Variants in FBRSL1 observed in about 807,000 individuals in gnomAD.
The protein encoded by FBRSL1 is fibrosin like 1.
FBRSL1 carries 51 observed loss-of-function variants against 89.6 expected under a neutral mutation model. The ratio of observed to expected loss-of-function variants is 0.57; its 90% CI spans 0.45 to 0.72. The LOEUF is 0.72. Among genes scored for constraint, FBRSL1 ranks in the 30% least tolerant of loss-of-function variants. The pLI, the probability that FBRSL1 is intolerant of heterozygous loss-of-function variation, is 0.00. For missense variants in FBRSL1, 1,618 were observed against 1,451.8 expected (o/e 1.11, Z -1.86); for synonymous variants, 779 against 681.1 (o/e 1.14, Z -2.24).
chr12:132,533,328 G>A lies in FBRSL1; in HGVS notation c.615+5340G>A, dbSNP rs1280228157. Among the ~76,000 whole-genome samples, 3 of 132,282 alleles carry A rather than the reference G, an allele frequency of 2.3e-5. No homozygotes were observed. The South Asian group carries it at 7.6e-4, about 33-fold the overall frequency. 86.8% of individuals were successfully genotyped at this position (132,282 alleles called of 152,430 possible). Reference sequence around the variant, plus strand: ...AGTCAGAGAGCCTCAGTCTCCTCCCGACCCAGCCTCTCCCTGGAGTCAGAG... The same window carrying A: ...AGTCAGAGAGCCTCAGTCTCCTCCCAACCCAGCCTCTCCCTGGAGTCAGAG... On this transcript the variant is annotated intron_variant, in intron 4 of 18. Coordinates refer to ENST00000680143, the MANE Select transcript of FBRSL1 (RefSeq NM_001367871.1).
Position 132,551,209 on chromosome 12 carries a change from C to T in FBRSL1, c.645+3177C>T, listed in dbSNP as rs77113348. On this transcript the variant is annotated intron_variant, in intron 5 of 18. Coordinates refer to ENST00000680143, the MANE Select transcript of FBRSL1 (RefSeq NM_001367871.1). ...AGTGCCCAGAGCCCCTCAGCAGCCCCGGGCTTGTGTGGAACCCGTCTGTGA... is the reference window on the plus strand; with the variant it reads ...AGTGCCCAGAGCCCCTCAGCAGCCCTGGGCTTGTGTGGAACCCGTCTGTGA... The T allele has an allele frequency of 1.6e-3, 590 of 358,498 alleles. 6 individuals are homozygous for T. Among genetic ancestry groups the T allele is most frequent in the Middle Eastern group, 2.0e-3 (2 of 978 alleles). The allele number at this position is 358,498 out of a possible 1,614,324, so 22.2% of individuals were successfully genotyped here.
intron 4 of FBRSL1, among the ~76,000 whole-genome samples, chr12:132,538,598 G>T (rs546063508): frequency 1.3e-5 from 2 of 152,230 alleles, no homozygotes; most frequent in African/African-American, 4.8e-5. Flanking sequence ...GCAGGCGGGC[G>T]CACAGCCCAT....
At chr12:132,535,475 C>G (rs2036631111) in intron 4 of FBRSL1, among the ~76,000 whole-genome samples, 1 of 152,250 alleles carries the variant, frequency 6.6e-6, no homozygotes, top group South Asian at 2.1e-4. Context: ...CAGCCTGGCT[C>G]CCTGACAGTG....
intron 4 of FBRSL1, among the ~76,000 whole-genome samples, chr12:132,541,115 A>G (rs2037226122): frequency 6.8e-6 from 1 of 147,096 alleles, no homozygotes; most frequent in African/African-American, 2.6e-5. Flanking sequence ...CTCCCACCAC[A>G]TCCCTACCCC....
At chr12:132,521,221 G>A (rs374199679) in intron 2 of FBRSL1, among the ~76,000 whole-genome samples, 5 of 152,366 alleles carry the variant, frequency 3.3e-5, no homozygotes, top group South Asian at 2.1e-4. Context: ...AAGAGGAAGC[G>A]GGAGCTGCGA....
At chr12:132,561,561 C>T (rs904097638) in intron 5 of FBRSL1, among the ~76,000 whole-genome samples, 3 of 152,226 alleles carry the variant, frequency 2.0e-5, no homozygotes, top group African/African-American at 7.2e-5. Context: ...GCTGGCTTCT[C>T]CTCCCTCTGC....
chr12:132,549,716 G>A (rs772690423), intron 5 of FBRSL1, among the ~76,000 whole-genome samples: 15 of 152,316 alleles, frequency 9.8e-5, no homozygotes, highest in South Asian at 8.3e-4. Context: ...CGGCGATGCC[G>A]GCGGGGAAGG....
intron 5 of FBRSL1, among the ~76,000 whole-genome samples, chr12:132,549,545 G>A (rs929266564): frequency 3.9e-5 from 6 of 152,174 alleles, no homozygotes; most frequent in Non-Finnish European, 8.8e-5. Flanking sequence ...GCAGTTTTTG[G>A]GGAAGACACC....
Position 132,508,365 on chromosome 12 carries a change from C to T in FBRSL1, c.489+15C>T. ...CCTCCAAGCAGGTGAGCAGGTCCCT[C>T]CCCGACCGGAAGCTCTGCGGCGGGT... On this transcript the variant is annotated intron_variant, in intron 2 of 18. Transcript: ENST00000680143. 3 of 1,280,724 alleles carry T rather than the reference C, an allele frequency of 2.3e-6. No homozygotes were observed. Among genetic ancestry groups the T allele is most frequent in the Non-Finnish European group, 2.2e-6 (2 of 929,194 alleles). The allele number at this position is 1,280,724 out of a possible 1,614,324, so 79.3% of individuals were successfully genotyped here.
chr12:132,554,374 CTG>C (rs1275127402), intron 5 of FBRSL1: 7 of 152,234 alleles, frequency 4.6e-5, no homozygotes, highest in African/African-American at 1.7e-4. Context: ...CCGGCAGAAA[CTG>C]GGGTCTGAAA....
In FBRSL1 at chr12:132,572,534, C is replaced by T. The variant is rs748369293; in HGVS notation, c.1442C>T (p.Pro481Leu). ...YFRHSSVSFF[P>L]SFPPAIPGLP... is the part of the protein sequence containing the mutation. ...GCTCTCCTTCTCTTACAGTTCTTCC[C>T]GTCCTTCCCTCCTGCCATCCCGGGA... is the stretch of plus-strand genomic sequence containing the variant. Residue 481 changes from proline (P) to leucine (L), a missense_variant, in exon 11 of 19, where the codon CCG (proline) becomes CTG (leucine). Physicochemically the swap from Pro to Leu is moderately conservative, Grantham distance 98 (BLOSUM62 -3). Coordinates refer to ENST00000680143, the MANE Select transcript of FBRSL1 (RefSeq NM_001367871.1). The T allele has an allele frequency of 5.8e-6, 9 of 1,550,858 alleles. No homozygotes were observed. Among genetic ancestry groups the T allele is most frequent in the African/African-American group, 5.5e-5 (4 of 73,044 alleles).
chr12:132,523,251 G>A (rs939739159), intron 2 of FBRSL1, among the ~76,000 whole-genome samples: 4 of 152,194 alleles, frequency 2.6e-5, no homozygotes, highest in African/African-American at 4.8e-5. Context: ...GGCTGTTTGA[G>A]GTCCTGCCTG....
At chr12:132,501,156 G>A (rs914801680) in intron 1 of FBRSL1, among the ~76,000 whole-genome samples, 1 of 152,146 alleles carries the variant, frequency 6.6e-6, no homozygotes, top group African/African-American at 2.4e-5. Context: ...CTGCTCCCTG[G>A]GGCCCTGAGG....
chr12:132,572,181 GCA>G (rs2040069716), intron 9 of FBRSL1, 105 bp from the exon 10 acceptor site: 1 of 1,024,284 alleles, frequency 9.8e-7, no homozygotes, highest in African/African-American at 1.6e-5. Flanking sequence ...GCCTCAGGAA[GCA>G]CAACGCCGTC....
chr12:132,583,367 C>A lies in FBRSL1; in HGVS notation c.2598C>A (p.Pro866=). The change falls in exon 19 of 19, where the codon CCC becomes CCA. Residue 866 remains proline, a synonymous_variant. Coordinates refer to ENST00000680143, the MANE Select transcript of FBRSL1 (RefSeq NM_001367871.1). ...RGLELPRRAF[P]AAAPAPGSAA... is the part of the protein sequence containing the mutation. The stretch of plus-strand genomic sequence containing the variant: ...TGGAGCTGCCACGTCGCGCCTTCCC[C>A]GCTGCCGCCCCCGCCCCGGGCTCCG... 9.0e-7 allele frequency: 1 copy of A among 1,114,084 alleles called. No homozygotes were observed. The highest frequency in any genetic ancestry group is 1.1e-6 in the Non-Finnish European group (1 of 911,062). 69.0% of individuals were successfully genotyped at this position (1,114,084 alleles called of 1,614,324 possible).
In FBRSL1 at chr12:132,564,706, A is replaced by T. The variant is rs547126344; in HGVS notation, c.646-2775A>T. On this transcript the variant is annotated intron_variant, in intron 5 of 18. Transcript: ENST00000680143. ...GAGACGGGGTTTCACCGTGTTAGCC[A>T]GGATGGTCTCGATCTCCTGACCTCG... is the stretch of plus-strand genomic sequence containing the variant. Among the ~76,000 whole-genome samples the T allele has an allele frequency of 9.2e-5, 8 of 87,260 alleles. 2 individuals are homozygous for T. Among genetic ancestry groups the T allele is most frequent in the Non-Finnish European group, 1.2e-4 (6 of 49,810 alleles). The allele number at this position is 87,260 out of a possible 152,430, so 57.2% of individuals were successfully genotyped here.
intron 11 of FBRSL1, 117 bp downstream of exon 11, chr12:132,572,739 C>A: frequency 1.3e-6 from 1 of 756,390 alleles, no homozygotes; most frequent in Non-Finnish European, 2.2e-6. Flanking sequence ...CTCCCTTGTA[C>A]CTGTCGTCAT....
chr12:132,572,380 T>G, intron 10 of FBRSL1, 36 bp downstream of exon 10: 3 of 1,548,114 alleles, frequency 1.9e-6, no homozygotes, highest in Non-Finnish European at 2.6e-6. Flanking sequence ...CGTGTCGCTG[T>G]GCACGCAGGT....
chr12:132,507,406 A>C, intron 1 of FBRSL1: 2 of 985,630 alleles, frequency 2.0e-6, no homozygotes, highest in Non-Finnish European at 2.4e-6. Context: ...CTAGTGGTTT[A>C]TCGAGTGTGG....
Sources: allele counts gnomAD v4.1 joint callset (sites outside exome capture counted in the v4.1 genomes callset), GRCh38; gene constraint gnomAD v4.1.1; transcripts MANE v1.5; gene names NCBI Gene and HGNC (gene_info 2026-07-23, HGNC 2026-07-21).